Variants in PITPNC1 observed in about 807,000 individuals in gnomAD.
The protein encoded by PITPNC1 is cytoplasmic phosphatidylinositol transfer protein 1.
In PITPNC1, 18 loss-of-function variants were observed where a neutral mutation model predicts 44.7. The observed-to-expected ratio is 0.40, with a 90% CI of 0.28 to 0.60. PITPNC1 has a LOEUF of 0.60. Ranked by LOEUF, PITPNC1 falls within the 20% of genes least tolerant of loss-of-function variation. The pLI, the probability that PITPNC1 is intolerant of heterozygous loss-of-function variation, is 0.39. For synonymous variants in PITPNC1, 141 were observed against 149.6 expected, an observed-to-expected ratio of 0.94 and a Z score of 0.42; for missense variants, 290 against 418.4, an observed-to-expected ratio of 0.69 and a Z score of 2.68.
intron 1 of PITPNC1, among the ~76,000 whole-genome samples, chr17:67,531,331 A>C (rs1385608446): frequency 6.6e-6 from 1 of 152,222 alleles, no homozygotes; most frequent in Non-Finnish European, 1.5e-5. Flanking sequence ...TCCTGCAAGC[A>C]CAGGTGCACA....
intron 1 of PITPNC1, among the ~76,000 whole-genome samples, chr17:67,428,830 C>T (rs2038811244): frequency 7.2e-6 from 1 of 137,970 alleles, no homozygotes; most frequent in Admixed American, 7.6e-5. Context: ...TTTTTTTCTA[C>T]TTGTCTTGCT....
rs1412238243 is a variant in PITPNC1 at position 67,675,394 on chromosome 17, G to A, written c.619-85G>A. ...GGATTAAGAACTCTGTAATCACCAA[G>A]ATCCCCAGAATTGTTAACAACTTGT... On this transcript the variant is annotated intron_variant, in intron 7 of 8. Transcript: ENST00000581322. 8.4e-6 allele frequency: 8 copies of A among 953,224 alleles called. No individual in the cohort carries two copies. The Admixed American group carries it at 1.2e-4, about 15-fold the overall frequency. 59.0% of individuals were successfully genotyped at this position (953,224 alleles called of 1,614,324 possible). A position where few individuals can be genotyped will look rare whatever the true frequency, so the allele number is the denominator to read the frequency against.
intron 1 of PITPNC1, among the ~76,000 whole-genome samples, chr17:67,440,012 A>G (rs1241277041): frequency 6.6e-6 from 1 of 152,192 alleles, no homozygotes; most frequent in African/African-American, 2.4e-5. Flanking sequence ...AGGAAGATGA[A>G]AAGTCTGTCT....
chr17:67,552,466 T>C (rs1191894083), intron 3 of PITPNC1, 121 bp downstream of exon 3: 3 of 640,558 alleles, frequency 4.7e-6, no homozygotes, highest in Admixed American at 2.7e-5. Context: ...GTAGTATCCC[T>C]CTTTTTTTTT....
chr17:67,424,618 C>G (rs1304320344), intron 1 of PITPNC1, among the ~76,000 whole-genome samples: 2 of 152,064 alleles, frequency 1.3e-5, no homozygotes, highest in East Asian at 3.9e-4. Context: ...GATCGCACTA[C>G]TGTGCTCCTG....
chr17:67,593,893 G>A (rs928750491), intron 5 of PITPNC1, among the ~76,000 whole-genome samples: 3 of 151,940 alleles, frequency 2.0e-5, no homozygotes, highest in African/African-American at 4.8e-5. Flanking sequence ...TACAGTGTAC[G>A]TCACTTAAAA....
At chr17:67,381,341 A>AG (rs1359996486) in intron 1 of PITPNC1, among the ~76,000 whole-genome samples, 1 of 151,330 alleles carries the variant, frequency 6.6e-6, no homozygotes, top group Admixed American at 6.6e-5. Flanking sequence ...AAAAAAAAAA[A>AG]AAAAAGGGCT....
At chr17:67,498,940 C>T (rs556322260) in intron 1 of PITPNC1, among the ~76,000 whole-genome samples, 51 of 151,002 alleles carry the variant, frequency 3.4e-4, no homozygotes, top group Admixed American at 1.4e-3. Flanking sequence ...AGCACGATCA[C>T]GGCTTATTGC....
At chr17:67,406,086 A>G (rs1308825301) in intron 1 of PITPNC1, among the ~76,000 whole-genome samples, 3 of 152,138 alleles carry the variant, frequency 2.0e-5, no homozygotes, top group Non-Finnish European at 2.9e-5. Flanking sequence ...AGTTTTTAGT[A>G]TATTCTTAAG....
intron 6 of PITPNC1, among the ~76,000 whole-genome samples, chr17:67,665,673 G>A (rs1413969829): frequency 2.0e-5 from 3 of 152,176 alleles, no homozygotes; most frequent in African/African-American, 7.2e-5. Flanking sequence ...CCAGCCACAT[G>A]TGTGTGATAC....
At chr17:67,634,310 C>G (rs1327597750) in intron 6 of PITPNC1, among the ~76,000 whole-genome samples, 2 of 152,176 alleles carry the variant, frequency 1.3e-5, no homozygotes, top group African/African-American at 4.8e-5. Flanking sequence ...GGCATGGTGC[C>G]TCACGCCTGT....
chr17:67,521,359 G>GATACC (rs2040322793), intron 1 of PITPNC1, among the ~76,000 whole-genome samples: 1 of 152,136 alleles, frequency 6.6e-6, no homozygotes, highest in Non-Finnish European at 1.5e-5. Flanking sequence ...CCATACCCTG[G>GATACC]CATAATGACA....
At chr17:67,587,398 G>T (rs989784111) in intron 5 of PITPNC1, among the ~76,000 whole-genome samples, 1 of 152,136 alleles carries the variant, frequency 6.6e-6, no homozygotes, top group African/African-American at 2.4e-5. Context: ...GGAGGCTGAG[G>T]TGGGAGGATC....
At chr17:67,684,429 T>C (rs2042776219) in intron 8 of PITPNC1, among the ~76,000 whole-genome samples, 1 of 149,764 alleles carries the variant, frequency 6.7e-6, no homozygotes, top group Non-Finnish European at 1.5e-5. Context: ...AACAGATTCT[T>C]AAATAATGTT....
At chr17:67,490,408 A>G (rs545263228) in intron 1 of PITPNC1, among the ~76,000 whole-genome samples, 2 of 152,020 alleles carry the variant, frequency 1.3e-5, no homozygotes, top group Admixed American at 1.3e-4. Flanking sequence ...AGATTGGCAA[A>G]CCAGATAAAA....
intron 2 of PITPNC1, among the ~76,000 whole-genome samples, chr17:67,537,047 A>G (rs1359442097): frequency 6.6e-6 from 1 of 152,236 alleles, no homozygotes; most frequent in African/African-American, 2.4e-5. Flanking sequence ...AATACTATAT[A>G]AAACATTAGC....
At chr17:67,572,462 G>A (rs1191073806) in intron 4 of PITPNC1, among the ~76,000 whole-genome samples, 1 of 76,266 alleles carries the variant, frequency 1.3e-5, no homozygotes, top group Non-Finnish European at 2.5e-5. Flanking sequence ...AAGAAGCTGG[G>A]TAAAGCGGGG....
chr17:67,405,202 G>A (rs1598621931), intron 1 of PITPNC1, among the ~76,000 whole-genome samples: 3 of 151,980 alleles, frequency 2.0e-5, no homozygotes, highest in East Asian at 1.9e-4. Context: ...AGCCAAGATC[G>A]TGCCACTGCA....
chr17:67,658,028 G>C (rs976522123), intron 6 of PITPNC1, among the ~76,000 whole-genome samples: 1 of 152,232 alleles, frequency 6.6e-6, no homozygotes, highest in Non-Finnish European at 1.5e-5. Flanking sequence ...CATGAATCAG[G>C]GAGGGAGGGC....
Sources: gnomAD v4.1 joint callset for allele counts (sites outside exome capture counted in the v4.1 genomes callset) on GRCh38, gnomAD v4.1.1 for gene constraint, MANE v1.5 for transcripts, NCBI Gene and HGNC (gene_info 2026-07-23, HGNC 2026-07-21) for gene names.